EPHX2: variants seen among roughly 807,000 people sequenced by gnomAD.
The protein encoded by EPHX2 is epoxide hydrolase 2.
EPHX2 carries 74 observed loss-of-function variants against 78.7 expected under a neutral mutation model. The ratio of observed to expected loss-of-function variants is 0.94; its 90% confidence interval spans 0.78 to 1.14. The LOEUF is 1.14. Ranked by LOEUF, EPHX2 falls within the 50% of genes most tolerant of loss-of-function variation. The pLI is 0.00. For synonymous variants in EPHX2, 251 were observed against 255.2 expected (o/e 0.98, Z 0.16); for missense variants, 715 against 702.5 (o/e 1.02, Z -0.20).
intron 1 of EPHX2, among the ~76,000 whole-genome samples, chr8:27,496,256 A>T (rs917791938): frequency 6.6e-6 from 1 of 152,196 alleles, no homozygotes; most frequent in African/African-American, 2.4e-5. Flanking sequence ...GAGGCTTTTG[A>T]ACTGGTAACC....
Position 27,511,917 on chromosome 8 carries a change from C to T in EPHX2, c.735+7C>T, listed in dbSNP as rs1814264950. ...TGGGTACGTGACAGTAAAGGTGAGT[C>T]AGTTTTGTCTCTCAGTCGGCTAAGT... On this transcript the variant is annotated splice_region_variant and intron_variant, in intron 6 of 18. Transcript: ENST00000521400. The T allele has an allele frequency of 6.8e-6, 11 of 1,613,930 alleles. No individual in the cohort carries two copies. The highest frequency in any genetic ancestry group is 9.3e-6 in the Non-Finnish European group (11 of 1,179,912).
rs369372219 is a variant in EPHX2 at position 27,544,531 on chromosome 8, G to A, written c.*9G>A. ...TGGTCTCAAAGATGTAGAACGCAGC[G>A]TGTGCCCACGCTCAGCAGGTGTGCC... On this transcript the variant is annotated 3_prime_UTR_variant, in exon 19 of 19. Transcript: ENST00000521400. 24 of 1,613,142 alleles carry A rather than the reference G, an allele frequency of 1.5e-5. 1 individual carries two copies. The highest frequency in any genetic ancestry group is 7.7e-5 in the South Asian group (7 of 91,048).
intron 5 of EPHX2, among the ~76,000 whole-genome samples, chr8:27,508,840 C>G (rs532927651): frequency 1.3e-5 from 2 of 152,088 alleles, no homozygotes; most frequent in African/African-American, 4.8e-5. Flanking sequence ...TCATCACCAC[C>G]ACTCACCTCC....
At chr8:27,514,099 C>T (rs966437056) in intron 6 of EPHX2, among the ~76,000 whole-genome samples, 4 of 152,164 alleles carry the variant, frequency 2.6e-5, no homozygotes, top group Non-Finnish European at 5.9e-5. Flanking sequence ...AGGAGGATCA[C>T]TTAATGCCAG....
At chr8:27,509,191 T>G (rs372462002) in intron 5 of EPHX2, among the ~76,000 whole-genome samples, 1 of 152,164 alleles carries the variant, frequency 6.6e-6, no homozygotes, top group East Asian at 1.9e-4. Context: ...TGTTGCAGCG[T>G]GGGTCTGAGT....
intron 1 of EPHX2, 34 bp from the exon 2 acceptor site, chr8:27,500,892 A>G: frequency 3.8e-6 from 6 of 1,591,692 alleles, no homozygotes; most frequent in Non-Finnish European, 5.2e-6. Flanking sequence ...GACAAAATCC[A>G]CAGAATGTTC....
At chr8:27,542,462 G>C (rs950139592) in intron 16 of EPHX2, among the ~76,000 whole-genome samples, 4 of 152,146 alleles carry the variant, frequency 2.6e-5, no homozygotes, top group African/African-American at 9.7e-5. Flanking sequence ...CATGTGACCT[G>C]TTACAAGCAG....
chr8:27,522,589 C>A, intron 11 of EPHX2, 81 bp downstream of exon 11: 1 of 1,428,004 alleles, frequency 7.0e-7, no homozygotes, highest in Non-Finnish European at 9.7e-7. Context: ...ATCTTTAAGC[C>A]CAGAAAACTT....
At chr8:27,518,197 C>T in intron 9 of EPHX2, 125 bp downstream of exon 9, 1 of 754,898 alleles carries the variant, frequency 1.3e-6, no homozygotes. Flanking sequence ...TAAATTCCTA[C>T]TGAAAGTTGA....
At chr8:27,523,095 C>T (rs1814708182) in intron 11 of EPHX2, among the ~76,000 whole-genome samples, 1 of 151,728 alleles carries the variant, frequency 6.6e-6, no homozygotes, top group Non-Finnish European at 1.5e-5. Flanking sequence ...AGGATCCTGA[C>T]TTGAGCTTGA....
At chr8:27,526,629 T>C (rs567151428) in intron 12 of EPHX2, among the ~76,000 whole-genome samples, 3 of 152,332 alleles carry the variant, frequency 2.0e-5, no homozygotes, top group East Asian at 1.9e-4. Flanking sequence ...CACAGTCTTA[T>C]AGTTTTAGAA....
intron 10 of EPHX2, 81 bp from the exon 11 acceptor site, chr8:27,522,342 G>C (rs1814678281): frequency 2.9e-6 from 4 of 1,399,580 alleles, no homozygotes; most frequent in Non-Finnish European, 4.0e-6. Flanking sequence ...TGGTGTCGAG[G>C]GGCTGGCTGA....
At chr8:27,538,823 C>T (rs1412779786) in intron 14 of EPHX2, 131 bp downstream of exon 14, 1 of 995,816 alleles carries the variant, frequency 1.0e-6, no homozygotes. Context: ...AACCAGGGTC[C>T]CCTCGGCATG....
chr8:27,529,889 C>CAAAAAA (rs56851108), intron 12 of EPHX2, among the ~76,000 whole-genome samples: 2 of 90,314 alleles, frequency 2.2e-5, no homozygotes, highest in Non-Finnish European at 2.7e-5. Context: ...CCAGCCTGAG[C>CAAAAAA]AAAAAAAAAA....
At chr8:27,516,919 ATT>A (rs1255634079) in intron 8 of EPHX2, among the ~76,000 whole-genome samples, 163 of 131,548 alleles carry the variant, frequency 1.2e-3, no homozygotes, top group African/African-American at 4.2e-3. Context: ...TTTCCTTCCT[ATT>A]TTTTTTTTTT....
intron 12 of EPHX2, among the ~76,000 whole-genome samples, chr8:27,528,150 G>A (rs1282392648): frequency 2.6e-5 from 4 of 152,186 alleles, no homozygotes; most frequent in Non-Finnish European, 5.9e-5. Context: ...CCTTGTCAAG[G>A]CACAGTTTTT....
In EPHX2 at chr8:27,524,733, G is replaced by T. The variant is rs1814764468; in HGVS notation, c.1059-629G>T. Among the ~76,000 whole-genome samples, 3 of 152,042 alleles carry T rather than the reference G, an allele frequency of 2.0e-5. No individual in the cohort carries two copies. The South Asian group carries it at 6.2e-4, about 32-fold the overall frequency. On this transcript the variant is annotated intron_variant, in intron 11 of 18. Coordinates refer to ENST00000521400, the MANE Select transcript of EPHX2 (RefSeq NM_001979.6). The stretch of plus-strand genomic sequence containing the variant: ...AAGTTCAAATGCTCCCTTTTCCACA[G>T]GGTCCTCCATGATGCCCAGTTCAGG...
chr8:27,520,807 G>A (rs1273107920), intron 9 of EPHX2, 76 bp from the exon 10 acceptor site: 22 of 1,574,466 alleles, frequency 1.4e-5, no homozygotes, highest in East Asian at 2.2e-5. Context: ...TGGGGAGGAC[G>A]CAGTTCAGCC....
intron 12 of EPHX2, among the ~76,000 whole-genome samples, chr8:27,528,835 G>A (rs113114399): frequency 3.3e-5 from 5 of 152,008 alleles, no homozygotes; most frequent in Non-Finnish European, 7.4e-5. Context: ...TCACTGTGTC[G>A]CCCAGGCTGG....
Sources: allele counts gnomAD v4.1 joint callset (sites outside exome capture counted in the v4.1 genomes callset), GRCh38; gene constraint gnomAD v4.1.1; transcripts MANE v1.5; gene names NCBI Gene and HGNC (gene_info 2026-07-23, HGNC 2026-07-21).